PIK3CA: variants seen among roughly 807,000 people sequenced by gnomAD.
PIK3CA encodes the protein phosphatidylinositol-4,5-bisphosphate 3-kinase catalytic subunit alpha, also known as phosphatidylinositol 4,5-bisphosphate 3-kinase catalytic subunit alpha isoform.
In PIK3CA, 27 loss-of-function variants were observed where a neutral mutation model predicts 138.2. The ratio of observed to expected loss-of-function variants is 0.20; its 90% CI spans 0.14 to 0.27. The LOEUF (loss-of-function observed/expected upper bound fraction) is 0.27, where lower values mean the gene tolerates loss of function less well. Ranked by LOEUF, PIK3CA falls within the 10% of genes least tolerant of loss-of-function variation. The pLI is 1.00. For missense variants in PIK3CA, 544 were observed against 1,277.4 expected (o/e 0.43, Z 8.75); for synonymous variants, 358 against 413.2 (o/e 0.87, Z 1.62).
At chr3:179,208,040 A>G (rs975671098) in intron 6 of PIK3CA, among the ~76,000 whole-genome samples, 2 of 152,142 alleles carry the variant, frequency 1.3e-5, no homozygotes, top group Admixed American at 1.3e-4. Context: ...CAGCCTGGGC[A>G]CATAGCAATA....
chr3:179,163,013 G>A (rs1159702956), intron 1 of PIK3CA, among the ~76,000 whole-genome samples: 1 of 152,100 alleles, frequency 6.6e-6, no homozygotes, highest in Non-Finnish European at 1.5e-5. Flanking sequence ...TACAATTAGA[G>A]TAAATGAAAG....
intron 9 of PIK3CA, among the ~76,000 whole-genome samples, chr3:179,213,383 G>A (rs980771803): frequency 6.6e-6 from 1 of 152,202 alleles, no homozygotes; most frequent in Non-Finnish European, 1.5e-5. Context: ...ACACAACAAT[G>A]TACATACTTT....
chr3:179,166,512 T>G (rs998109527), intron 1 of PIK3CA, among the ~76,000 whole-genome samples: 1 of 151,836 alleles, frequency 6.6e-6, no homozygotes, highest in Non-Finnish European at 1.5e-5. Flanking sequence ...ATGAACAGAT[T>G]GCTGGATATT....
intron 5 of PIK3CA, 84 bp downstream of exon 5, chr3:179,203,873 C>T: frequency 3.1e-6 from 3 of 955,940 alleles, no homozygotes; most frequent in Non-Finnish European, 4.6e-6. Flanking sequence ...ATCTGTTGAC[C>T]TGTAGTATGT....
chr3:179,228,527 TAC>T (rs1725136405), intron 17 of PIK3CA, among the ~76,000 whole-genome samples: 1 of 152,102 alleles, frequency 6.6e-6, no homozygotes, highest in African/African-American at 2.4e-5. Flanking sequence ...TCTATTATAA[TAC>T]TCCTTCTTTT....
Position 179,193,971 on chromosome 3 carries a change from T to C in PIK3CA, c.-76-4779T>C, listed in dbSNP as rs565665078. Among the ~76,000 whole-genome samples, 6 of 152,294 alleles carry C rather than the reference T, an allele frequency of 3.9e-5. 1 individual carries two copies. The highest frequency in any genetic ancestry group is 1.4e-4 in the African/African-American group (6 of 41,574). ...CCCCCCATTGCTTTAAATTTAATAA[T>C]CCCATCCTCTTTATTGGTATTTAAT... On this transcript the variant is annotated intron_variant, in intron 1 of 20. Transcript: ENST00000263967.
chr3:179,202,349 C>T (rs376930180), intron 4 of PIK3CA, among the ~76,000 whole-genome samples: 1 of 152,172 alleles, frequency 6.6e-6, no homozygotes, highest in Non-Finnish European at 1.5e-5. Flanking sequence ...GGATTACAGG[C>T]GTGAGCCATT....
At chr3:179,198,061 G>A (rs568270730) in intron 1 of PIK3CA, among the ~76,000 whole-genome samples, 4 of 152,164 alleles carry the variant, frequency 2.6e-5, no homozygotes, top group South Asian at 2.1e-4. Context: ...CAAATTCATC[G>A]TCATACTTCA....
chr3:179,171,279 G>A (rs1232730124), intron 1 of PIK3CA, among the ~76,000 whole-genome samples: 1 of 152,132 alleles, frequency 6.6e-6, no homozygotes, highest in Non-Finnish European at 1.5e-5. Context: ...AAAATATTTG[G>A]TATGTAGCTC....
At chr3:179,196,954 G>C (rs1198103025) in intron 1 of PIK3CA, among the ~76,000 whole-genome samples, 2 of 152,146 alleles carry the variant, frequency 1.3e-5, no homozygotes, top group African/African-American at 4.8e-5. Flanking sequence ...GTTAGATGTT[G>C]ATTGGTGTGA....
intron 4 of PIK3CA, among the ~76,000 whole-genome samples, chr3:179,201,897 C>T (rs1461848649): frequency 6.6e-6 from 1 of 152,040 alleles, no homozygotes; most frequent in Non-Finnish European, 1.5e-5. Context: ...TGAGCCACCA[C>T]GCCCAGCCAA....
chr3:179,224,848 GA>G, intron 16 of PIK3CA, 27 bp downstream of exon 16: 1 of 1,538,558 alleles, frequency 6.5e-7, no homozygotes, highest in Non-Finnish European at 8.9e-7. Context: ...ATGAGCTTAT[GA>G]TGCATGAATT....
intron 1 of PIK3CA, chr3:179,169,328 C>G (rs1275409142): frequency 2.0e-5 from 3 of 152,038 alleles, no homozygotes; most frequent in Non-Finnish European, 4.4e-5. Flanking sequence ...CACACAAACA[C>G]AAAAATCCTA....
intron 1 of PIK3CA, among the ~76,000 whole-genome samples, chr3:179,183,477 ATTAAT>A (rs1723900158): frequency 6.6e-6 from 1 of 152,198 alleles, no homozygotes; most frequent in African/African-American, 2.4e-5. Flanking sequence ...GATTTATCTG[ATTAAT>A]TTATGTAGAG....
At position 179,200,609 on chromosome 3, in the gene PIK3CA, C is replaced by A. The variant is rs551502780; in HGVS notation, c.563-681C>A. ...ATGCAACATAAGATCTTTCAAAATTCTTTTCTATTCTAGCATATATTTTAA... is the reference window on the plus strand; with the variant it reads ...ATGCAACATAAGATCTTTCAAAATTATTTTCTATTCTAGCATATATTTTAA... On this transcript the variant is annotated intron_variant, in intron 3 of 20. Coordinates refer to ENST00000263967, the MANE Select transcript of PIK3CA (RefSeq NM_006218.4). 7.2e-5 allele frequency among the ~76,000 whole-genome samples: 11 copies of A among 152,172 alleles called. No homozygotes were observed. The South Asian group carries it at 1.9e-3, about 26-fold the overall frequency.
Position 179,238,413 on chromosome 3 carries a change from A to G in PIK3CA, c.*4049A>G, listed in dbSNP as rs758443219. ...TTTTCATAAAAATTATTTTTACTGT[A>G]TGAAAAGATCATGGGGTTTAGCTCA... On this transcript the variant is annotated 3_prime_UTR_variant, in exon 21 of 21. Coordinates refer to ENST00000263967, the MANE Select transcript of PIK3CA (RefSeq NM_006218.4). 20 of 219,644 alleles carry G rather than the reference A, an allele frequency of 9.1e-5. No homozygotes were observed. In the Middle Eastern group the frequency reaches 5.5e-3, roughly 61 times the overall value. The allele number at this position is 219,644 out of a possible 1,614,324, so 13.6% of individuals were successfully genotyped here. A position where few individuals can be genotyped will look rare whatever the true frequency, so the allele number is the denominator to read the frequency against.
At position 179,234,697 on chromosome 3, in the gene PIK3CA, G is replaced by T; in HGVS notation, c.*333G>T. ...AAAAATCCCCAAAATATATAGAAAT[G>T]ATGGAGAAGGAAAAAGTGATGGTTT... is the stretch of plus-strand genomic sequence containing the variant. On this transcript the variant is annotated 3_prime_UTR_variant, in exon 21 of 21. Transcript: ENST00000263967. This position sits in a 1 kb window ranked among gnomAD's most constrained non-coding sequence, Gnocchi z 5.1. The T allele has an allele frequency of 4.0e-6, 1 of 248,938 alleles. No individual in the cohort carries two copies. 15.4% of individuals were successfully genotyped at this position (248,938 alleles called of 1,614,324 possible).
Position 179,235,046 on chromosome 3 carries a change from AT to A in PIK3CA, c.*693del, listed in dbSNP as rs1438499814. 2,022 of 170,282 alleles carry A rather than the reference AT, an allele frequency of 0.012. No individual in the cohort carries two copies. The highest frequency in any genetic ancestry group is 0.029 in the East Asian group (275 of 9,382). The allele number at this position is 170,282 out of a possible 1,614,324, so 10.5% of individuals were successfully genotyped here. On this transcript the variant is annotated 3_prime_UTR_variant, in exon 21 of 21. Coordinates refer to ENST00000263967, the MANE Select transcript of PIK3CA (RefSeq NM_006218.4). ...CAAATGAGACCTGTTATAAGGTGGT[AT>A]TTTTTTTTTTCTTCTGGACAGTATT...
intron 6 of PIK3CA, 102 bp downstream of exon 6, chr3:179,204,690 G>C: frequency 1.7e-6 from 1 of 588,066 alleles, no homozygotes; most frequent in Admixed American, 2.6e-5. Context: ...GGGCAACAAA[G>C]CAAGACCCCA....
Sources: allele counts gnomAD v4.1 joint callset (sites outside exome capture counted in the v4.1 genomes callset), GRCh38; gene constraint gnomAD v4.1.1; non-coding constraint Gnocchi (gnomAD v3.1); transcripts MANE v1.5; gene names NCBI Gene and HGNC (gene_info 2026-07-23, HGNC 2026-07-21).